Variants in BLM observed in about 807,000 individuals in gnomAD.
The protein encoded by BLM is recQ-like DNA helicase BLM.
In BLM, 95 loss-of-function variants were observed where a neutral mutation model predicts 135.3. The ratio of observed to expected loss-of-function variants is 0.70; its 90% CI spans 0.59 to 0.83. The LOEUF is 0.83. BLM is among the 40% of genes least tolerant of loss of function. BLM has a pLI of 0.00. For missense variants in BLM, 1,518 were observed against 1,663.9 expected, an observed-to-expected ratio of 0.91 and a Z score of 1.53; for synonymous variants, 520 against 589.2, an observed-to-expected ratio of 0.88 and a Z score of 1.70.
chr15:90,814,249 GC>G (rs1897497158), intron 21 of BLM, among the ~76,000 whole-genome samples: 1 of 152,200 alleles, frequency 6.6e-6, no homozygotes, highest in Admixed American at 6.5e-5. Context: ...TTAGTGTGGG[GC>G]CTGACATCAG....
At chr15:90,733,041 C>T (rs1266419034) in intron 1 of BLM, among the ~76,000 whole-genome samples, 4 of 151,770 alleles carry the variant, frequency 2.6e-5, no homozygotes, top group East Asian at 1.9e-4. Flanking sequence ...TGCAGTGAGC[C>T]GAGATCGTGC....
At chr15:90,770,979 T>A (rs1181850411) in intron 12 of BLM, among the ~76,000 whole-genome samples, 1 of 152,212 alleles carries the variant, frequency 6.6e-6, no homozygotes, top group Non-Finnish European at 1.5e-5. Flanking sequence ...GGTTCCAGCC[T>A]AGAATTATTT....
chr15:90,799,626 T>TAAAAAAAAA (rs10600094), intron 17 of BLM, among the ~76,000 whole-genome samples: 5 of 108,746 alleles, frequency 4.6e-5, no homozygotes, highest in African/African-American at 1.5e-4. Flanking sequence ...AAGATGCCTG[T>TAAAAAAAAA]AAAAAAAAAA....
intron 1 of BLM, among the ~76,000 whole-genome samples, chr15:90,719,474 G>A (rs550519782): frequency 2.6e-5 from 4 of 152,122 alleles, no homozygotes; most frequent in South Asian, 2.1e-4. Flanking sequence ...GGTGGTGTGC[G>A]CCTGTGGTTC....
intron 15 of BLM, 31 bp downstream of exon 15, chr15:90,790,875 G>T: frequency 6.3e-7 from 1 of 1,587,742 alleles, no homozygotes; most frequent in South Asian, 1.1e-5. Flanking sequence ...GAGACATTCT[G>T]TCATCTTCAG....
At chr15:90,752,439 A>C (rs28384994) in intron 4 of BLM, among the ~76,000 whole-genome samples, 3,537 of 152,260 alleles carry the variant, frequency 0.023, 129 homozygotes, top group African/African-American at 0.082. Context: ...GGCCTCCCAA[A>C]GTGCTAGGAT....
chr15:90,768,818 C>T (rs886279037), intron 10 of BLM, among the ~76,000 whole-genome samples: 1 of 152,154 alleles, frequency 6.6e-6, no homozygotes, highest in Admixed American at 6.5e-5. Flanking sequence ...CTCCACCTCC[C>T]GAGTTCAAGC....
At chr15:90,718,829 C>G (rs1894680596) in intron 1 of BLM, among the ~76,000 whole-genome samples, 1 of 152,126 alleles carries the variant, frequency 6.6e-6, no homozygotes, top group South Asian at 2.1e-4. Flanking sequence ...CATCATCATG[C>G]TGGGAAGTTC....
intron 12 of BLM, among the ~76,000 whole-genome samples, chr15:90,778,328 G>T (rs1395982337): frequency 6.6e-6 from 1 of 152,166 alleles, no homozygotes; most frequent in East Asian, 1.9e-4. Context: ...CAAATTTTAA[G>T]AAATTCAGAT....
At chr15:90,718,781 GTT>G (rs1342511940) in intron 1 of BLM, among the ~76,000 whole-genome samples, 1 of 152,012 alleles carries the variant, frequency 6.6e-6, no homozygotes, top group Non-Finnish European at 1.5e-5. Flanking sequence ...GAAACCAAGA[GTT>G]AAAAAATCAG....
At chr15:90,771,729 C>T (rs7170919) in intron 12 of BLM, among the ~76,000 whole-genome samples, 55,845 of 151,406 alleles carry the variant, frequency 0.37, 12,048 homozygotes, top group African/African-American at 0.61. Context: ...TGTCCTCTTA[C>T]GCCGGATGCA....
chr15:90,752,354 T>C (rs1421316504), intron 4 of BLM, among the ~76,000 whole-genome samples: 1 of 152,056 alleles, frequency 6.6e-6, no homozygotes, highest in Non-Finnish European at 1.5e-5. Context: ...TTTTTGTATT[T>C]TCAGTAGAGA....
chr15:90,723,732 TG>T (rs1894831899), intron 1 of BLM, among the ~76,000 whole-genome samples: 3 of 152,230 alleles, frequency 2.0e-5, no homozygotes, highest in Admixed American at 2.0e-4. Context: ...GCCACAATGT[TG>T]TATGGCAGAT....
intron 5 of BLM, 134 bp from the exon 6 acceptor site, chr15:90,760,013 C>A: frequency 3.0e-6 from 2 of 667,354 alleles, no homozygotes; most frequent in Non-Finnish European, 2.5e-6. Flanking sequence ...TGGTCTTGAA[C>A]TCCTGGACTT....
intron 13 of BLM, 122 bp from the exon 14 acceptor site, chr15:90,784,799 G>A: frequency 9.8e-7 from 1 of 1,020,038 alleles, no homozygotes; most frequent in South Asian, 1.5e-5. Flanking sequence ...TGGTCTTCCA[G>A]CAGTATAAGA....
chr15:90,723,442 C>T (rs1894823116), intron 1 of BLM, among the ~76,000 whole-genome samples: 2 of 151,160 alleles, frequency 1.3e-5, no homozygotes, highest in African/African-American at 2.4e-5. Context: ...TCTCTTGAGG[C>T]CAGGAGTTCA....
At chr15:90,732,550 C>T (rs1285507529) in intron 1 of BLM, among the ~76,000 whole-genome samples, 4 of 147,138 alleles carry the variant, frequency 2.7e-5, no homozygotes, top group Non-Finnish European at 6.0e-5. Flanking sequence ...TAAAGGATTT[C>T]TGAAAATTAA....
At chr15:90,797,778 GAA>G (rs1328493140) in intron 16 of BLM, among the ~76,000 whole-genome samples, 1 of 152,182 alleles carries the variant, frequency 6.6e-6, no homozygotes, top group Non-Finnish European at 1.5e-5. Flanking sequence ...AGGAGATGAT[GAA>G]AAGAGCGTTG....
chr15:90,725,850 CTG>C (rs1423807433), intron 1 of BLM, among the ~76,000 whole-genome samples: 4 of 151,956 alleles, frequency 2.6e-5, no homozygotes, highest in Non-Finnish European at 5.9e-5. Flanking sequence ...TAAGTTGTCT[CTG>C]TTTTATGTAC....
Sources: allele counts gnomAD v4.1 joint callset (sites outside exome capture counted in the v4.1 genomes callset), GRCh38; gene constraint gnomAD v4.1.1; transcripts MANE v1.5; gene names NCBI Gene and HGNC (gene_info 2026-07-23, HGNC 2026-07-21).